The following SLC6A6 variants were observed in gnomAD, a reference collection of about 807,000 sequenced individuals.
The protein encoded by SLC6A6 is solute carrier family 6 member 6.
In SLC6A6, 16 loss-of-function variants were observed where a neutral mutation model predicts 68.8. The observed-to-expected ratio is 0.23, with a 90% CI of 0.16 to 0.35. The LOEUF is 0.35. Among genes scored for constraint, SLC6A6 ranks in the 10% least tolerant of loss-of-function variants. SLC6A6 has a pLI of 1.00. For synonymous variants in SLC6A6, 312 were observed against 315.4 expected, an observed-to-expected ratio of 0.99 and a Z score of 0.12; for missense variants, 474 against 802.8, an observed-to-expected ratio of 0.59 and a Z score of 4.95.
At chr3:14,405,353 G>A (rs113900478) in intron 1 of SLC6A6, among the ~76,000 whole-genome samples, 1 of 152,192 alleles carries the variant, frequency 6.6e-6, no homozygotes, top group Non-Finnish European at 1.5e-5. Context: ...GAACTTGTCC[G>A]CCTGTCAGTT....
At chr3:14,474,943 C>G (rs1700839896) in intron 10 of SLC6A6, among the ~76,000 whole-genome samples, 1 of 152,260 alleles carries the variant, frequency 6.6e-6, no homozygotes, top group African/African-American at 2.4e-5. Flanking sequence ...AGCCATCATA[C>G]TGCTGCGCCT....
chr3:14,407,374 G>A (rs948780844), intron 1 of SLC6A6, among the ~76,000 whole-genome samples: 14 of 152,046 alleles, frequency 9.2e-5, no homozygotes, highest in Non-Finnish European at 1.5e-4. Flanking sequence ...ATTCTGTTAC[G>A]GTTTGATGAG....
chr3:14,447,904 G>T (rs1213841490), intron 5 of SLC6A6, 88 bp downstream of exon 5: 1 of 1,554,416 alleles, frequency 6.4e-7, no homozygotes, highest in East Asian at 2.4e-5. Flanking sequence ...TGGGATACAG[G>T]AGCCACTGTC....
rs538220151 is a variant in SLC6A6 at position 14,434,852 on chromosome 3, A to T, written c.-11-8772A>T. 1.9e-4 allele frequency among the ~76,000 whole-genome samples: 29 copies of T among 152,038 alleles called. 1 individual carries two copies. The South Asian group carries it at 6.0e-3, about 32-fold the overall frequency. On this transcript the variant is annotated intron_variant, in intron 2 of 14. Transcript: ENST00000622186. ...CTTGCTGCCTCTCCTCTGCTGCCAG[A>T]CTGTGGTTCTCTGGGGCTTTGGGCC...
chr3:14,433,450 G>A (rs1048554992), intron 2 of SLC6A6, among the ~76,000 whole-genome samples: 2 of 152,156 alleles, frequency 1.3e-5, no homozygotes, highest in African/African-American at 4.8e-5. Flanking sequence ...CAGGTTCTCA[G>A]CTCATGGTGA....
chr3:14,442,283 A>C (rs905909312), intron 2 of SLC6A6, among the ~76,000 whole-genome samples: 6 of 152,228 alleles, frequency 3.9e-5, no homozygotes, highest in Admixed American at 2.6e-4. Context: ...CATGAAGACA[A>C]ACAAGTTGTG....
rs1701108858 is a variant in SLC6A6 at position 14,484,943 on chromosome 3, CTCG to C, written c.1800_1802del (p.Arg601del). 1 of 1,612,920 alleles carries C rather than the reference CTCG, an allele frequency of 6.2e-7. No individual in the cohort carries two copies. Among genetic ancestry groups the C allele is most frequent in the African/African-American group, 1.3e-5 (1 of 74,890 alleles). On this transcript the variant is annotated inframe_deletion, in exon 15 of 15. Coordinates refer to ENST00000622186, the MANE Select transcript of SLC6A6 (RefSeq NM_003043.6). The stretch of plus-strand genomic sequence containing the variant: ...CGCGAGGGAGCCACACCTTACAACT[CTCG>C]CACCGTCATGAACGGCGCTCTCGTG...
intron 10 of SLC6A6, among the ~76,000 whole-genome samples, chr3:14,474,395 A>G (rs1700825778): frequency 6.6e-6 from 1 of 152,008 alleles, no homozygotes. Context: ...TTACCATCTA[A>G]ACCAGGTTTA....
chr3:14,445,425 G>GA (rs1209958569), intron 3 of SLC6A6, among the ~76,000 whole-genome samples: 55 of 103,296 alleles, frequency 5.3e-4, no homozygotes, highest in Non-Finnish European at 5.4e-4. Flanking sequence ...CACCTCAAAA[G>GA]AAAAAAAAAA....
At chr3:14,423,988 C>T (rs9830103) in intron 2 of SLC6A6, among the ~76,000 whole-genome samples, 114,249 of 151,862 alleles carry the variant, frequency 0.75, 43,112 homozygotes, top group East Asian at 0.96. Context: ...GGAGAAGGGT[C>T]GTCCCAGCTT....
chr3:14,425,258 C>A (rs1865887), intron 2 of SLC6A6, among the ~76,000 whole-genome samples: 6,882 of 152,194 alleles, frequency 0.045, 492 homozygotes, highest in African/African-American at 0.15. Context: ...CCACTTGCAG[C>A]TGGGAAGGGG....
In SLC6A6 at chr3:14,484,886, C is replaced by A. The variant is rs772809301; in HGVS notation, c.1742C>A (p.Thr581Asn). 2 of 1,612,080 alleles carry A rather than the reference C, an allele frequency of 1.2e-6. No individual in the cohort carries two copies. The highest frequency in any genetic ancestry group is 1.7e-6 in the Non-Finnish European group (2 of 1,179,978). ...CTCCAGAGAGTCAAGTACCTGCTGA[C>A]CCCAAGGGAACCCAACCGCTGGGCT... ...PFLVRVKYLL[T>N]PREPNRWAVE... is the part of the protein sequence containing the mutation. Residue 581 changes from threonine to asparagine, a missense_variant, in exon 15 of 15, where the codon ACC becomes AAC. Transcript: ENST00000622186.
Position 14,468,054 on chromosome 3 carries a change from A to C in SLC6A6, c.972-34A>C. 1 of 1,614,028 alleles carries C rather than the reference A, an allele frequency of 6.2e-7. No homozygotes were observed. The highest frequency in any genetic ancestry group is 8.5e-7 in the Non-Finnish European group (1 of 1,179,924). On this transcript the variant is annotated intron_variant, in intron 8 of 14. Transcript: ENST00000622186. This position sits in a 1 kb window ranked among gnomAD's most constrained non-coding sequence, Gnocchi z 4.5. The stretch of plus-strand genomic sequence containing the variant: ...GGGAGCGTGGCTTCCTTGTGTTGTG[A>C]ATTAACTTGCTCCCTGACATATGTG...
intron 1 of SLC6A6, among the ~76,000 whole-genome samples, chr3:14,407,965 T>C (rs904185943): frequency 2.0e-5 from 3 of 149,466 alleles, no homozygotes; most frequent in Non-Finnish European, 4.5e-5. Context: ...TTTTTTTTTA[T>C]CGCTGAGTAG....
At chr3:14,480,816 T>G (rs1189786809) in intron 13 of SLC6A6, among the ~76,000 whole-genome samples, 1 of 152,226 alleles carries the variant, frequency 6.6e-6, no homozygotes, top group Non-Finnish European at 1.5e-5. Flanking sequence ...TTAGGTGCTC[T>G]TCTCACAGGG....
intron 5 of SLC6A6, among the ~76,000 whole-genome samples, chr3:14,449,632 C>T (rs757096540): frequency 6.6e-5 from 10 of 152,214 alleles, no homozygotes; most frequent in Middle Eastern, 3.2e-3. Flanking sequence ...CTCTCTGGGC[C>T]GTGGTATCCT....
At chr3:14,421,125 C>T (rs1321863189) in intron 2 of SLC6A6, among the ~76,000 whole-genome samples, 3 of 152,220 alleles carry the variant, frequency 2.0e-5, no homozygotes, top group Non-Finnish European at 4.4e-5. Flanking sequence ...GTGGCACCTC[C>T]CTGGGGAGCT....
intron 4 of SLC6A6, 34 bp from the exon 5 acceptor site, chr3:14,447,548 A>G: frequency 6.2e-7 from 1 of 1,611,530 alleles, no homozygotes; most frequent in Non-Finnish European, 8.5e-7. Flanking sequence ...GGCCTCCCTC[A>G]GATGTTTACT....
intron 11 of SLC6A6, 29 bp from the exon 12 acceptor site, chr3:14,478,437 T>C: frequency 7.0e-7 from 1 of 1,428,260 alleles, no homozygotes; most frequent in Non-Finnish European, 9.9e-7. Context: ...AGGTAGGAAA[T>C]CGACCTTCTG....
Sources: allele counts gnomAD v4.1 joint callset (sites outside exome capture counted in the v4.1 genomes callset), GRCh38; gene constraint gnomAD v4.1.1; non-coding constraint Gnocchi (gnomAD v3.1); transcripts MANE v1.5; gene names NCBI Gene and HGNC (gene_info 2026-07-23, HGNC 2026-07-21).